NUB1: variants seen among roughly 807,000 people sequenced by gnomAD.
NUB1 encodes negative regulator of ubiquitin like proteins 1, also known as NEDD8 ultimate buster 1.
A neutral mutation model predicts 77.1 loss-of-function variants in NUB1; 41 were observed. The observed-to-expected ratio is 0.53, with a 90% CI of 0.41 to 0.69. NUB1 has a LOEUF of 0.69. NUB1 is among the 30% of genes least tolerant of loss of function. The probability of loss-of-function intolerance (pLI) is 0.00; values close to 1 mark genes in which losing one functional copy is unlikely to be tolerated. For missense variants in NUB1, 643 were observed against 743.8 expected, an observed-to-expected ratio of 0.86 and a Z score of 1.58; for synonymous variants, 257 against 281.0, an observed-to-expected ratio of 0.91 and a Z score of 0.85.
chr7:151,376,467 G>A, intron 13 of NUB1, 167 bp from the exon 14 acceptor site: 1 of 645,306 alleles, frequency 1.5e-6, no homozygotes, highest in Non-Finnish European at 2.5e-6. Context: ...CCCCTTCCAG[G>A]TTGCTCTACG....
chr7:151,373,598 G>C (rs1798056745), intron 11 of NUB1, among the ~76,000 whole-genome samples: 1 of 152,236 alleles, frequency 6.6e-6, no homozygotes, highest in African/African-American at 2.4e-5. Context: ...AGGCTGTGGG[G>C]GGCGGGTCAC....
At chr7:151,363,876 C>T (rs1189510709) in intron 8 of NUB1, among the ~76,000 whole-genome samples, 5 of 151,946 alleles carry the variant, frequency 3.3e-5, no homozygotes, top group Non-Finnish European at 7.4e-5. Flanking sequence ...CCACTGTAAC[C>T]TCTGCCTCCT....
intron 12 of NUB1, 50 bp downstream of exon 12, chr7:151,374,293 G>A (rs1421757882): frequency 6.5e-7 from 1 of 1,541,668 alleles, no homozygotes; most frequent in Non-Finnish European, 8.8e-7. Context: ...AGTGGGTCCT[G>A]CCCAGAGCTC....
At chr7:151,347,681 A>C (rs1246738455) in intron 2 of NUB1, among the ~76,000 whole-genome samples, 1 of 152,158 alleles carries the variant, frequency 6.6e-6, no homozygotes, top group Non-Finnish European at 1.5e-5. Context: ...GTTGGTCTTG[A>C]AGTCCTGGGC....
At chr7:151,344,035 G>C (rs1485423132) in intron 1 of NUB1, among the ~76,000 whole-genome samples, 8 of 151,216 alleles carry the variant, frequency 5.3e-5, no homozygotes, top group African/African-American at 1.9e-4. Flanking sequence ...CAAAAAATCA[G>C]CCGGGCGTGG....
intron 2 of NUB1, among the ~76,000 whole-genome samples, chr7:151,347,699 A>G (rs769166188): frequency 6.6e-5 from 10 of 152,262 alleles, no homozygotes; most frequent in African/African-American, 9.6e-5. Context: ...GGCTTGAGCA[A>G]TCCTCTCACC....
At chr7:151,358,717 A>G (rs2150684503) in intron 7 of NUB1, among the ~76,000 whole-genome samples, 1 of 152,328 alleles carries the variant, frequency 6.6e-6, no homozygotes, top group Non-Finnish European at 1.5e-5. Flanking sequence ...AATTATGCGA[A>G]CATTTAAATT....
chr7:151,372,433 G>A (rs1325996620), intron 11 of NUB1, among the ~76,000 whole-genome samples: 2 of 152,222 alleles, frequency 1.3e-5, no homozygotes, highest in Non-Finnish European at 2.9e-5. Flanking sequence ...GCCCAGGTCC[G>A]CTGGCTGGCA....
At chr7:151,356,062 T>C in intron 6 of NUB1, 66 bp from the exon 7 acceptor site, 1 of 1,553,200 alleles carries the variant, frequency 6.4e-7, no homozygotes, top group Non-Finnish European at 8.9e-7. Flanking sequence ...TCTAACATTT[T>C]TAAGGCTGTC....
intron 1 of NUB1, among the ~76,000 whole-genome samples, chr7:151,342,770 T>G (rs2150652043): frequency 6.6e-6 from 1 of 152,354 alleles, no homozygotes; most frequent in African/African-American, 2.4e-5. Context: ...TGACACGCAC[T>G]GGGTTTGTAA....
At chr7:151,368,692 G>A (rs200735252) in intron 10 of NUB1, 43 bp from the exon 11 acceptor site, 122 of 1,557,206 alleles carry the variant, frequency 7.8e-5, no homozygotes, top group Non-Finnish European at 9.9e-5. Context: ...TAAGCTTTAA[G>A]TATTGCCGTG....
intron 1 of NUB1, 141 bp downstream of exon 1, chr7:151,341,987 TGGGCCG>T (rs574226063): frequency 6.5e-5 from 84 of 1,284,686 alleles, no homozygotes; most frequent in Non-Finnish European, 7.6e-5. Context: ...TGCGTGGAGC[TGGGCCG>T]GGGCCGGGGC....
chr7:151,374,192 G>A lies in NUB1; in HGVS notation c.1344G>A (p.Ala448=), dbSNP rs746497859. Residue 448 remains alanine, a synonymous_variant, in exon 12 of 15, where the codon GCG becomes GCA. Transcript: ENST00000568733. ...FLKGMGYSTH[A]AQQVLHAASG... The stretch of plus-strand genomic sequence containing the variant: ...AAGGGATGGGCTACTCCACGCACGC[G>A]GCCCAGCAGGTACTCCACGCAGCCA... The A allele has an allele frequency of 2.2e-5, 34 of 1,572,282 alleles. No individual in the cohort carries two copies. The highest frequency in any genetic ancestry group is 1.4e-4 in the South Asian group (12 of 85,248).
chr7:151,377,056 G>A lies in NUB1; in HGVS notation c.1679G>A (p.Ser560Asn). 1.3e-6 allele frequency: 2 copies of A among 1,556,950 alleles called. No homozygotes were observed. Among genetic ancestry groups the A allele is most frequent in the Non-Finnish European group, 8.7e-7 (1 of 1,153,448 alleles). ...CGGTATTTTATTGTAGGAACCTCTA[G>A]TGCCTCAACAGACGAAGACATGGAG... Reference protein sequence around the residue: ...TSPSDSAGTSSASTDEDMETE... With the variant: ...TSPSDSAGTSNASTDEDMETE... The change falls in exon 15 of 15, where the codon AGT becomes AAT. Residue 560 changes from serine to asparagine, a missense_variant. Coordinates refer to ENST00000568733, the MANE Select transcript of NUB1 (RefSeq NM_001243351.2).
chr7:151,376,114 C>G, intron 13 of NUB1, 171 bp downstream of exon 13: 1 of 582,952 alleles, frequency 1.7e-6, no homozygotes, highest in East Asian at 2.9e-5. Context: ...TAACAGAGGG[C>G]AGGGGAGGCC....
chr7:151,364,160 C>T (rs1401842197), intron 8 of NUB1, among the ~76,000 whole-genome samples: 1 of 150,770 alleles, frequency 6.6e-6, no homozygotes, highest in Non-Finnish European at 1.5e-5. Flanking sequence ...CGGTGGCTCA[C>T]GCCTGTAATC....
intron 4 of NUB1, 112 bp from the exon 5 acceptor site, chr7:151,352,700 C>A (rs77138934): frequency 2.9e-6 from 2 of 682,594 alleles, no homozygotes; most frequent in Non-Finnish European, 5.2e-6. Context: ...ACCTTGGCCT[C>A]CCAGGGTGTT....
intron 11 of NUB1, among the ~76,000 whole-genome samples, chr7:151,372,962 A>T (rs1400122843): frequency 6.6e-6 from 1 of 152,170 alleles, no homozygotes; most frequent in Admixed American, 6.5e-5. Context: ...AGATGTCTTC[A>T]TCCCTGGAGA....
At chr7:151,345,513 CT>C in intron 2 of NUB1, 47 bp downstream of exon 2, 1 of 1,005,108 alleles carries the variant, frequency 9.9e-7, no homozygotes, top group Non-Finnish European at 1.5e-6. Flanking sequence ...TATAAATCTC[CT>C]TGGTAAATAA....
Sources: gnomAD v4.1 joint callset for allele counts (sites outside exome capture counted in the v4.1 genomes callset) on GRCh38, gnomAD v4.1.1 for gene constraint, MANE v1.5 for transcripts, NCBI Gene and HGNC (gene_info 2026-07-23, HGNC 2026-07-21) for gene names.